CCDC91: variants seen among roughly 807,000 people sequenced by gnomAD.
The protein encoded by CCDC91 is coiled-coil domain containing 91, also known as coiled-coil domain-containing protein 91.
A neutral mutation model predicts 63.2 loss-of-function variants in CCDC91; 48 were observed. The ratio of observed to expected loss-of-function variants is 0.76; its 90% CI spans 0.60 to 0.97. The LOEUF (loss-of-function observed/expected upper bound fraction) is 0.97, where lower values mean the gene tolerates loss of function less well. Ranked by LOEUF, CCDC91 falls within the 50% of genes least tolerant of loss-of-function variation. The pLI is 0.00. For synonymous variants in CCDC91, 167 were observed against 165.8 expected (o/e 1.01, Z -0.06); for missense variants, 500 against 494.6 (o/e 1.01, Z -0.10).
In CCDC91 at chr12:28,450,414, C is replaced by T. The variant is rs1949745923; in HGVS notation, c.920C>T (p.Ala307Val). ...AATAAAGAGGCATTAGTATCCGCTG[C>T]AAAGGTATTTCCATCTGTAATAGTG... ...QRNKEALVSAAKLEKEAVKDA... is the reference protein window; with the variant it reads ...QRNKEALVSAVKLEKEAVKDA... The change falls in exon 10 of 13, where the codon GCA becomes GTA. Residue 307 changes from alanine to valine, a missense_variant. Physicochemically the swap from Ala to Val is moderately conservative, Grantham distance 64 (BLOSUM62 0). Transcript: ENST00000536442. 6.2e-7 allele frequency: 1 copy of T among 1,609,650 alleles called. No homozygotes were observed. The highest frequency in any genetic ancestry group is 8.5e-7 in the Non-Finnish European group (1 of 1,176,448).
intron 12 of CCDC91, among the ~76,000 whole-genome samples, chr12:28,512,726 C>T (rs1021073175): frequency 6.6e-6 from 1 of 151,826 alleles, no homozygotes; most frequent in Middle Eastern, 3.2e-3. Context: ...TAAAGCATGA[C>T]CTCCATTCCG....
intron 3 of CCDC91, among the ~76,000 whole-genome samples, chr12:28,261,544 A>G (rs1385308522): frequency 6.6e-6 from 1 of 151,944 alleles, no homozygotes; most frequent in Non-Finnish European, 1.5e-5. Flanking sequence ...GAGGCTGAGA[A>G]AAAAACCATA....
intron 1 of CCDC91, chr12:28,191,262 T>TGGAC (rs1224421399): frequency 6.6e-6 from 1 of 152,280 alleles, no homozygotes; most frequent in Non-Finnish European, 1.5e-5. Context: ...AGGAAAGCTT[T>TGGAC]GGACATGAAA....
At chr12:28,331,393 T>C (rs1941496671) in intron 6 of CCDC91, among the ~76,000 whole-genome samples, 1 of 152,154 alleles carries the variant, frequency 6.6e-6, no homozygotes, top group African/African-American at 2.4e-5. Flanking sequence ...TGGGCTAAAA[T>C]TACAGGACAA....
At chr12:28,395,401 G>T (rs1330896176) in intron 8 of CCDC91, among the ~76,000 whole-genome samples, 1 of 152,194 alleles carries the variant, frequency 6.6e-6, no homozygotes, top group East Asian at 1.9e-4. Flanking sequence ...TCAGATGCCA[G>T]TTGCAAGTAT....
At chr12:28,464,474 C>T (rs1343490727) in intron 11 of CCDC91, among the ~76,000 whole-genome samples, 1 of 152,176 alleles carries the variant, frequency 6.6e-6, no homozygotes, top group Admixed American at 6.5e-5. Context: ...GTAGGGAGGA[C>T]TTTGTCTTGC....
At position 28,362,240 on chromosome 12, in the gene CCDC91, C is replaced by G. The variant is rs144269769; in HGVS notation, c.577-198C>G. Reference sequence around the variant, plus strand: ...TTTTTCTCTTGTTTCCCTTTAATTCCTCATTGCCTCAGTGTTCTCCAATGC... The same window carrying G: ...TTTTTCTCTTGTTTCCCTTTAATTCGTCATTGCCTCAGTGTTCTCCAATGC... On this transcript the variant is annotated intron_variant, in intron 6 of 12. Coordinates refer to ENST00000536442, the MANE Select transcript of CCDC91 (RefSeq NM_018318.5). Among the ~76,000 whole-genome samples, 15 of 143,042 alleles carry G rather than the reference C, an allele frequency of 1.0e-4. No individual in the cohort carries two copies. The East Asian group carries it at 2.7e-3, about 26-fold the overall frequency. 93.8% of individuals were successfully genotyped at this position (143,042 alleles called of 152,430 possible). A position where few individuals can be genotyped will look rare whatever the true frequency, so the allele number is the denominator to read the frequency against.
intron 1 of CCDC91, among the ~76,000 whole-genome samples, chr12:28,238,357 C>T (rs1945107006): frequency 1.3e-5 from 2 of 152,084 alleles, no homozygotes; most frequent in Admixed American, 1.3e-4. Flanking sequence ...ATCATACTGC[C>T]TCCTTCAGCC....
At chr12:28,428,500 C>T (rs1208176517) in intron 8 of CCDC91, among the ~76,000 whole-genome samples, 10 of 131,880 alleles carry the variant, frequency 7.6e-5, no homozygotes, top group South Asian at 2.5e-4. Context: ...ACCCAGGAGG[C>T]GGAGGTTGCA....
At chr12:28,443,989 C>G (rs1490915850) in intron 8 of CCDC91, among the ~76,000 whole-genome samples, 1 of 151,884 alleles carries the variant, frequency 6.6e-6, no homozygotes, top group African/African-American at 2.4e-5. Flanking sequence ...ATTTCTATAT[C>G]CCTAAACCCT....
At chr12:28,514,843 A>T (rs191776893) in intron 12 of CCDC91, among the ~76,000 whole-genome samples, 23 of 151,630 alleles carry the variant, frequency 1.5e-4, no homozygotes, top group African/African-American at 5.3e-4. Flanking sequence ...TTTCTTTGGA[A>T]CAACAGATGC....
chr12:28,476,137 T>C (rs1951074730), intron 11 of CCDC91, among the ~76,000 whole-genome samples: 1 of 151,924 alleles, frequency 6.6e-6, no homozygotes, highest in Non-Finnish European at 1.5e-5. Context: ...AAAGACTTTC[T>C]CGTAACTTTA....
chr12:28,192,112 T>A (rs1227152329), intron 1 of CCDC91, among the ~76,000 whole-genome samples: 14 of 152,210 alleles, frequency 9.2e-5, no homozygotes. Context: ...TTGATCATCT[T>A]AGTACTTAAT....
At chr12:28,378,151 T>A (rs1327570714) in intron 7 of CCDC91, among the ~76,000 whole-genome samples, 1 of 152,108 alleles carries the variant, frequency 6.6e-6, no homozygotes, top group Non-Finnish European at 1.5e-5. Context: ...AAAATCATTG[T>A]GATGAAAATT....
chr12:28,195,026 C>T (rs1321558974), intron 1 of CCDC91, among the ~76,000 whole-genome samples: 1 of 152,156 alleles, frequency 6.6e-6, no homozygotes, highest in Non-Finnish European at 1.5e-5. Context: ...GGAAGGGGAC[C>T]CGAAGGGGTT....
intron 12 of CCDC91, among the ~76,000 whole-genome samples, chr12:28,517,318 C>A (rs1194911162): frequency 6.6e-6 from 1 of 151,914 alleles, no homozygotes; most frequent in East Asian, 1.9e-4. Context: ...AGCCTGAGAT[C>A]TGAATTCAGA....
intron 12 of CCDC91, among the ~76,000 whole-genome samples, chr12:28,491,306 G>C (rs1951990130): frequency 6.6e-6 from 1 of 151,660 alleles, no homozygotes; most frequent in Non-Finnish European, 1.5e-5. Context: ...TGATGCAGGA[G>C]AATCACTTGA....
At chr12:28,196,011 G>A (rs1404821325) in intron 1 of CCDC91, among the ~76,000 whole-genome samples, 1 of 152,116 alleles carries the variant, frequency 6.6e-6, no homozygotes, top group Non-Finnish European at 1.5e-5. Flanking sequence ...AGGCTGAGGT[G>A]GGAGGATTGA....
intron 12 of CCDC91, among the ~76,000 whole-genome samples, chr12:28,514,172 T>C (rs1939679767): frequency 6.6e-6 from 1 of 152,046 alleles, no homozygotes; most frequent in Admixed American, 6.6e-5. Flanking sequence ...TGTGAGACAG[T>C]ATCTCATTGT....
Sources: allele counts gnomAD v4.1 joint callset (sites outside exome capture counted in the v4.1 genomes callset), GRCh38; gene constraint gnomAD v4.1.1; transcripts MANE v1.5; gene names NCBI Gene and HGNC (gene_info 2026-07-23, HGNC 2026-07-21).